The following LCA5 variants were observed in gnomAD, a reference collection of about 807,000 sequenced individuals.
LCA5 encodes lebercilin LCA5, also known as lebercilin.
In LCA5, 37 loss-of-function variants were observed where a neutral mutation model predicts 53.0. The ratio of observed to expected loss-of-function variants is 0.70; its 90% CI spans 0.54 to 0.92. The LOEUF (loss-of-function observed/expected upper bound fraction) is 0.92. Ranked by LOEUF, LCA5 falls within the 40% of genes least tolerant of loss-of-function variation. The probability of loss-of-function intolerance (pLI) is 0.00; values close to 1 mark genes in which losing one functional copy is unlikely to be tolerated. For synonymous variants in LCA5, 303 were observed against 282.9 expected (o/e 1.07, Z -0.71); for missense variants, 806 against 790.5 (o/e 1.02, Z -0.23).
chr6:79,523,797 C>G (rs1056970790), intron 1 of LCA5, among the ~76,000 whole-genome samples: 7 of 152,276 alleles, frequency 4.6e-5, no homozygotes, highest in African/African-American at 9.6e-5. Context: ...CCCTGCCCCC[C>G]CTCAAATACT....
At chr6:79,494,360 T>C (rs531127860) in intron 3 of LCA5, among the ~76,000 whole-genome samples, 39 of 152,134 alleles carry the variant, frequency 2.6e-4, no homozygotes, top group African/African-American at 8.4e-4. Flanking sequence ...ATAAAAACAA[T>C]AGCCATTTCC....
chr6:79,503,807 C>T (rs1005038998), intron 3 of LCA5, among the ~76,000 whole-genome samples: 3 of 152,170 alleles, frequency 2.0e-5, no homozygotes, highest in Non-Finnish European at 2.9e-5. Context: ...TGCGCGCGTG[C>T]GCGTGCGTAT....
chr6:79,529,504 T>A (rs1766891192), intron 1 of LCA5, among the ~76,000 whole-genome samples: 1 of 151,846 alleles, frequency 6.6e-6, no homozygotes. Context: ...GAAATCGAAA[T>A]TTAAGAGAGG....
chr6:79,509,079 C>T lies in LCA5; in HGVS notation c.720+4133G>A, dbSNP rs1469296670. Among the ~76,000 whole-genome samples the T allele has an allele frequency of 2.6e-5, 4 of 152,132 alleles. No individual in the cohort carries two copies. In the East Asian group the frequency reaches 7.7e-4, roughly 29 times the overall value. On this transcript the variant is annotated intron_variant, in intron 3 of 7. Transcript: ENST00000369846. ...AACAATTACCCTCAGGTGGGCTGCGCTGGCTACACTCCCCCCATCCCCTCA... is the reference window on the plus strand; with the variant it reads ...AACAATTACCCTCAGGTGGGCTGCGTTGGCTACACTCCCCCCATCCCCTCA...
At chr6:79,495,550 G>A (rs1161194631) in intron 3 of LCA5, among the ~76,000 whole-genome samples, 1 of 151,976 alleles carries the variant, frequency 6.6e-6, no homozygotes. Flanking sequence ...AGGAGATTAA[G>A]ACCATCCTGG....
At chr6:79,535,821 G>C (rs1470925517) in intron 1 of LCA5, among the ~76,000 whole-genome samples, 3 of 152,154 alleles carry the variant, frequency 2.0e-5, no homozygotes, top group Admixed American at 6.5e-5. Context: ...ATAGAAGACG[G>C]AAGACTGAAG....
Position 79,489,124 on chromosome 6 carries a change from T to C in LCA5, c.1191A>G (p.Glu397=), listed in dbSNP as rs1464296573. Reference sequence around the variant, plus strand: ...CAACCTCCTGTTTTACGACATGGAGTTCTTCATCTGTAACAAATTTTTCTT... The same window carrying C: ...CAACCTCCTGTTTTACGACATGGAGCTCTTCATCTGTAACAAATTTTTCTT... ...EREEKFVTDE[E]LHVVKQEVEK... The change falls in exon 7 of 8, where the codon GAA becomes GAG. Residue 397 remains glutamate, a synonymous_variant. Coordinates refer to ENST00000369846, the MANE Select transcript of LCA5 (RefSeq NM_001122769.3). 1 of 1,613,148 alleles carries C rather than the reference T, an allele frequency of 6.2e-7. No homozygotes were observed.
At position 79,518,932 on chromosome 6, in the gene LCA5, G is replaced by A; in HGVS notation, c.-38C>T. ...TGGTCTCTATTCACATAATTTCACAGATTATTTTCTCCAGAGGAGACTATG... is the reference window on the plus strand; with the variant it reads ...TGGTCTCTATTCACATAATTTCACAAATTATTTTCTCCAGAGGAGACTATG... On this transcript the variant is annotated 5_prime_UTR_variant, in exon 2 of 8. Coordinates refer to ENST00000369846, the MANE Select transcript of LCA5 (RefSeq NM_001122769.3). 1.9e-6 allele frequency: 3 copies of A among 1,589,918 alleles called. No individual in the cohort carries two copies. The highest frequency in any genetic ancestry group is 1.1e-5 in the South Asian group (1 of 90,596).
chr6:79,486,936 G>T lies in LCA5; in HGVS notation c.*68C>A. The T allele has an allele frequency of 7.8e-7, 1 of 1,286,716 alleles. No homozygotes were observed. The highest frequency in any genetic ancestry group is 1.1e-6 in the Non-Finnish European group (1 of 935,212). 79.7% of individuals were successfully genotyped at this position (1,286,716 alleles called of 1,614,324 possible). ...CATTTTAGCATTAAAAAGTCTAAAT[G>T]TTTATAATAAATACTGTATTAAAAT... On this transcript the variant is annotated 3_prime_UTR_variant, in exon 8 of 8. Coordinates refer to ENST00000369846, the MANE Select transcript of LCA5 (RefSeq NM_001122769.3).
intron 3 of LCA5, among the ~76,000 whole-genome samples, chr6:79,494,857 G>A (rs757909454): frequency 6.6e-6 from 1 of 152,120 alleles, no homozygotes; most frequent in South Asian, 2.1e-4. Flanking sequence ...TAAATGTTAA[G>A]AAATAAAGTG....
intron 3 of LCA5, among the ~76,000 whole-genome samples, chr6:79,505,958 A>T (rs1186674035): frequency 5.3e-5 from 8 of 152,176 alleles, no homozygotes; most frequent in Non-Finnish European, 1.0e-4. Flanking sequence ...AAGTAAAGGG[A>T]AGAATTTCAA....
chr6:79,505,642 G>A (rs1473972325), intron 3 of LCA5, among the ~76,000 whole-genome samples: 1 of 152,148 alleles, frequency 6.6e-6, no homozygotes, highest in African/African-American at 2.4e-5. Flanking sequence ...CAAGAACAGG[G>A]CTAACCCAGT....
Position 79,515,809 on chromosome 6 carries a change from A to AT in LCA5, c.191-2069dup, listed in dbSNP as rs201895336. Among the ~76,000 whole-genome samples, 238 of 152,200 alleles carry AT rather than the reference A, an allele frequency of 1.6e-3. 3 individuals carry two copies. The East Asian group carries it at 0.042, about 27-fold the overall frequency. On this transcript the variant is annotated intron_variant, in intron 2 of 7. Transcript: ENST00000369846. ...AAAGATTTTATAGAAGCTGTTTTGA[A>AT]TGTGTACTGATTTGGGATTCCAGCT...
intron 2 of LCA5, among the ~76,000 whole-genome samples, chr6:79,516,629 T>C (rs1246277176): frequency 2.0e-5 from 3 of 152,000 alleles, no homozygotes; most frequent in Non-Finnish European, 1.5e-5. Context: ...CCAGCTTTCA[T>C]CTACCTTTTT....
chr6:79,515,682 C>T (rs930356828), intron 2 of LCA5, among the ~76,000 whole-genome samples: 2 of 151,916 alleles, frequency 1.3e-5, no homozygotes, highest in African/African-American at 4.8e-5. Context: ...CCTTTCCTTC[C>T]CCATTTCATC....
At chr6:79,523,916 C>A (rs543729453) in intron 1 of LCA5, among the ~76,000 whole-genome samples, 38 of 152,248 alleles carry the variant, frequency 2.5e-4, no homozygotes, top group African/African-American at 8.9e-4. Flanking sequence ...TTTATATGTA[C>A]GCTATATCTT....
At chr6:79,505,597 G>C (rs1342321535) in intron 3 of LCA5, among the ~76,000 whole-genome samples, 1 of 152,154 alleles carries the variant, frequency 6.6e-6, no homozygotes, top group African/African-American at 2.4e-5. Context: ...ACTGCAACCT[G>C]GAGGTAAGGA....
chr6:79,515,486 T>A (rs1766400278), intron 2 of LCA5, among the ~76,000 whole-genome samples: 3 of 152,162 alleles, frequency 2.0e-5, no homozygotes, highest in Non-Finnish European at 4.4e-5. Context: ...TTTGAAATAA[T>A]GTTTTTATTT....
chr6:79,513,091 T>G lies in LCA5; in HGVS notation c.720+121A>C, dbSNP rs189953761. Reference sequence around the variant, plus strand: ...AATCCAAATTTTCCCAAAACAGTACTAAAAATAGTTTTCATTTCCAAGCAA... The same window carrying G: ...AATCCAAATTTTCCCAAAACAGTACGAAAAATAGTTTTCATTTCCAAGCAA... On this transcript the variant is annotated intron_variant, in intron 3 of 7. Transcript: ENST00000369846. 9.0e-5 allele frequency: 89 copies of G among 991,176 alleles called. No homozygotes were observed. In the African/African-American group the frequency reaches 1.3e-3, roughly 15 times the overall value. 61.4% of individuals were successfully genotyped at this position (991,176 alleles called of 1,614,324 possible).
Sources: gnomAD v4.1 joint callset for allele counts (sites outside exome capture counted in the v4.1 genomes callset) on GRCh38, gnomAD v4.1.1 for gene constraint, MANE v1.5 for transcripts, NCBI Gene and HGNC (gene_info 2026-07-23, HGNC 2026-07-21) for gene names.